The following UBE2R2 variants were observed in gnomAD, a reference collection of about 807,000 sequenced individuals.
UBE2R2 encodes the protein ubiquitin conjugating enzyme E2 R2, also known as ubiquitin-conjugating enzyme E2 R2.
UBE2R2 carries 1 observed loss-of-function variant against 27.8 expected under a neutral mutation model. That is an observed-to-expected ratio of 0.04 (90% CI 0.01 to 0.17). UBE2R2 has a LOEUF of 0.17. Among genes scored for constraint, UBE2R2 ranks in the 10% least tolerant of loss-of-function variants. UBE2R2 has a pLI of 1.00. For synonymous variants in UBE2R2, 106 were observed against 113.3 expected (o/e 0.94, Z 0.41); for missense variants, 100 against 291.0 (o/e 0.34, Z 4.78).
intron 2 of UBE2R2, among the ~76,000 whole-genome samples, chr9:33,898,443 T>C (rs1488063205): frequency 6.6e-6 from 1 of 151,582 alleles, no homozygotes; most frequent in Non-Finnish European, 1.5e-5. Flanking sequence ...TAAGGCAGTG[T>C]GTTAGAATAT....
rs185886916 is a variant in UBE2R2 at position 33,829,197 on chromosome 9, T to C, written c.177+11263T>C. On this transcript the variant is annotated intron_variant, in intron 1 of 4. Coordinates refer to ENST00000263228, the MANE Select transcript of UBE2R2 (RefSeq NM_017811.4). ...GTCTGTTGAATCCACAGGAAAAAAA[T>C]GGATCTTTAAAAAATTCTGGACTAC... Among the ~76,000 whole-genome samples, 11 of 152,232 alleles carry C rather than the reference T, an allele frequency of 7.2e-5. No homozygotes were observed. The East Asian group carries it at 1.9e-3, about 27-fold the overall frequency.
chr9:33,911,814 C>G lies in UBE2R2; in HGVS notation c.363-150C>G, dbSNP rs1257451099. The G allele has an allele frequency of 5.6e-6, 4 of 714,744 alleles. No homozygotes were observed. The South Asian group carries it at 1.7e-4, about 31-fold the overall frequency. The allele number at this position is 714,744 out of a possible 1,614,324, so 44.3% of individuals were successfully genotyped here. A position where few individuals can be genotyped will look rare whatever the true frequency, so the allele number is the denominator to read the frequency against. On this transcript the variant is annotated intron_variant, in intron 3 of 4. Coordinates refer to ENST00000263228, the MANE Select transcript of UBE2R2 (RefSeq NM_017811.4). ...AACTATCAATAAAAAATTTATATCTCTATTCCCCCAAGGTCTTAAATTTAA... is the reference window on the plus strand; with the variant it reads ...AACTATCAATAAAAAATTTATATCTGTATTCCCCCAAGGTCTTAAATTTAA...
intron 1 of UBE2R2, among the ~76,000 whole-genome samples, chr9:33,849,690 TAAAAA>T (rs71506141): frequency 0.072 from 10,075 of 139,440 alleles, 474 homozygotes; most frequent in Non-Finnish European, 0.1. Context: ...CATCTCTACT[TAAAAA>T]AAAAAAAAAA....
In UBE2R2 at chr9:33,918,873, C is replaced by T. The variant is rs922842066; in HGVS notation, c.*1636C>T. Reference sequence around the variant, plus strand: ...GTAGGTGACGCTTACTTCCTTAGCTCCTCCTTCCATTCTGATCTCAGGGTT... The same window carrying T: ...GTAGGTGACGCTTACTTCCTTAGCTTCTCCTTCCATTCTGATCTCAGGGTT... On this transcript the variant is annotated 3_prime_UTR_variant, in exon 5 of 5. Coordinates refer to ENST00000263228, the MANE Select transcript of UBE2R2 (RefSeq NM_017811.4). The T allele has an allele frequency of 6.6e-6, 1 of 152,494 alleles. No individual in the cohort carries two copies. The highest frequency in any genetic ancestry group is 6.5e-5 in the Admixed American group (1 of 15,272). 9.4% of individuals were successfully genotyped at this position (152,494 alleles called of 1,614,324 possible). A position where few individuals can be genotyped will look rare whatever the true frequency, so the allele number is the denominator to read the frequency against.
At chr9:33,830,878 A>G (rs1406342855) in intron 1 of UBE2R2, 1 of 152,076 alleles carries the variant, frequency 6.6e-6, no homozygotes, top group Non-Finnish European at 1.5e-5. Flanking sequence ...CTCATTTAGT[A>G]GCAAACATAG....
intron 3 of UBE2R2, among the ~76,000 whole-genome samples, chr9:33,909,692 T>TA (rs942572092): frequency 1.3e-5 from 2 of 152,024 alleles, no homozygotes; most frequent in Non-Finnish European, 2.9e-5. Flanking sequence ...GTGCTGGCAT[T>TA]ACAGGCGTGA....
At chr9:33,826,704 G>GC (rs1187928559) in intron 1 of UBE2R2, among the ~76,000 whole-genome samples, 1 of 151,254 alleles carries the variant, frequency 6.6e-6, no homozygotes, top group Non-Finnish European at 1.5e-5. Context: ...GTCCCCTGCC[G>GC]CCCCCTCCAA....
intron 2 of UBE2R2, among the ~76,000 whole-genome samples, chr9:33,887,296 T>C (rs1457196494): frequency 1.3e-5 from 2 of 152,228 alleles, no homozygotes; most frequent in East Asian, 1.9e-4. Flanking sequence ...TTTATTTGTG[T>C]GCCTATCCTC....
intron 1 of UBE2R2, among the ~76,000 whole-genome samples, chr9:33,883,794 G>T: frequency 6.7e-6 from 1 of 150,298 alleles, no homozygotes; most frequent in Non-Finnish European, 1.5e-5. Flanking sequence ...TTTTCTACCT[G>T]CTCAAATCTG....
intron 1 of UBE2R2, among the ~76,000 whole-genome samples, chr9:33,838,297 T>C (rs1465528952): frequency 6.9e-6 from 1 of 145,344 alleles, no homozygotes; most frequent in African/African-American, 2.6e-5. Context: ...TTCGCTTGAA[T>C]ATTTTTGATC....
At chr9:33,830,237 A>C (rs1587427973) in intron 1 of UBE2R2, among the ~76,000 whole-genome samples, 1 of 140,194 alleles carries the variant, frequency 7.1e-6, no homozygotes. Flanking sequence ...AGCTCACTGC[A>C]CCTTCCACCT....
intron 1 of UBE2R2, among the ~76,000 whole-genome samples, chr9:33,851,152 C>T (rs1237869204): frequency 6.6e-6 from 1 of 152,164 alleles, no homozygotes; most frequent in Non-Finnish European, 1.5e-5. Flanking sequence ...TTGGTAGGCA[C>T]TCTTTTTAAA....
chr9:33,889,027 A>G (rs1472888525), intron 2 of UBE2R2, among the ~76,000 whole-genome samples: 2 of 152,368 alleles, frequency 1.3e-5, no homozygotes, highest in East Asian at 3.9e-4. Context: ...CTTTCTAAAT[A>G]TTGTTTAATA....
chr9:33,831,171 G>A (rs1292038763), intron 1 of UBE2R2: 1 of 151,108 alleles, frequency 6.6e-6, no homozygotes, highest in Non-Finnish European at 1.5e-5. Flanking sequence ...GCTGGGTGTT[G>A]TGCCTCACAC....
intron 1 of UBE2R2, among the ~76,000 whole-genome samples, chr9:33,861,591 CA>C (rs896043524): frequency 8.5e-4 from 122 of 143,376 alleles, no homozygotes; most frequent in African/African-American, 2.8e-3. Context: ...GACCCTGTCT[CA>C]AAAAAAAAAG....
intron 1 of UBE2R2, among the ~76,000 whole-genome samples, chr9:33,869,950 G>A (rs926807127): frequency 3.3e-5 from 5 of 152,124 alleles, no homozygotes; most frequent in East Asian, 1.9e-4. Context: ...GGGTTCAAGC[G>A]ATTCTCCTGC....
At chr9:33,872,107 C>T (rs955766310) in intron 1 of UBE2R2, among the ~76,000 whole-genome samples, 4 of 151,508 alleles carry the variant, frequency 2.6e-5, no homozygotes, top group African/African-American at 9.7e-5. Flanking sequence ...ATTTTTTTAG[C>T]TGGGCATGGT....
chr9:33,899,612 A>G (rs1237949185), intron 2 of UBE2R2, among the ~76,000 whole-genome samples: 1 of 152,128 alleles, frequency 6.6e-6, no homozygotes, highest in Non-Finnish European at 1.5e-5. Context: ...TGACCTTGTG[A>G]TCTGCCCACC....
At chr9:33,842,954 G>C (rs1820760907) in intron 1 of UBE2R2, among the ~76,000 whole-genome samples, 1 of 149,360 alleles carries the variant, frequency 6.7e-6, no homozygotes, top group Non-Finnish European at 1.5e-5. Flanking sequence ...TGGGAGGATG[G>C]CTTGAGCCCA....
Sources: gnomAD v4.1 joint callset for allele counts (sites outside exome capture counted in the v4.1 genomes callset) on GRCh38, gnomAD v4.1.1 for gene constraint, MANE v1.5 for transcripts, NCBI Gene and HGNC (gene_info 2026-07-23, HGNC 2026-07-21) for gene names.